CYP11A1: variants seen among roughly 807,000 people sequenced by gnomAD.
CYP11A1 encodes cytochrome P450 family 11 subfamily A member 1.
CYP11A1 carries 25 observed loss-of-function variants against 51.9 expected under a neutral mutation model. The observed-to-expected ratio is 0.48, with a 90% CI of 0.35 to 0.67. The LOEUF (loss-of-function observed/expected upper bound fraction) is 0.67. CYP11A1 is among the 30% of genes least tolerant of loss of function. The probability of loss-of-function intolerance (pLI) is 0.00; values close to 1 mark genes in which losing one functional copy is unlikely to be tolerated. For missense variants in CYP11A1, 578 were observed against 680.9 expected, an observed-to-expected ratio of 0.85 and a Z score of 1.68; for synonymous variants, 245 against 262.1, an observed-to-expected ratio of 0.93 and a Z score of 0.63.
chr15:74,348,425 C>T (rs2060641816), intron 1 of CYP11A1, among the ~76,000 whole-genome samples: 1 of 152,272 alleles, frequency 6.6e-6, no homozygotes, highest in African/African-American at 2.4e-5. Flanking sequence ...TTCCTGTGTC[C>T]ACACCTACAG....
At chr15:74,361,827 A>AT (rs2060710184) in intron 1 of CYP11A1, 1 of 1,176,190 alleles carries the variant, frequency 8.5e-7, no homozygotes, top group African/African-American at 1.5e-5. Context: ...CCTAAGGCAT[A>AT]CACGTCCTGG....
chr15:74,342,021 G>A (rs546810871), intron 5 of CYP11A1, among the ~76,000 whole-genome samples: 16 of 152,294 alleles, frequency 1.1e-4, no homozygotes, highest in African/African-American at 3.6e-4. Flanking sequence ...ATGCCATTTT[G>A]TTACAGCGGC....
chr15:74,361,825 A>T, intron 1 of CYP11A1: 2 of 1,178,110 alleles, frequency 1.7e-6, no homozygotes, highest in South Asian at 2.5e-5. Flanking sequence ...ATCCTAAGGC[A>T]TACACGTCCT....
intron 1 of CYP11A1, chr15:74,366,178 C>T (rs1172337686): frequency 7.1e-6 from 7 of 985,272 alleles, no homozygotes; most frequent in Non-Finnish European, 8.4e-6. Flanking sequence ...CGGGCGGCGG[C>T]GTGCGCTGGG....
In CYP11A1 at chr15:74,343,964, G is replaced by A. The variant is rs1289645301; in HGVS notation, c.654C>T (p.Arg218=). 2 of 1,614,010 alleles carry A rather than the reference G, an allele frequency of 1.2e-6. No individual in the cohort carries two copies. The highest frequency in any genetic ancestry group is 2.2e-5 in the South Asian group (2 of 91,072). Residue 218 remains arginine (R), a synonymous_variant, in exon 4 of 9, where the codon CGC becomes CGT. Coordinates refer to ENST00000268053, the MANE Select transcript of CYP11A1 (RefSeq NM_000781.3). The part of the protein sequence containing the change: ...ESITNVIFGE[R]QGMLEEVVNP... ...TCACTACTTCCTCCAGCATCCCCTG[G>A]CGCTCCCCAAAAATGACGTTAGTGA...
intron 1 of CYP11A1, among the ~76,000 whole-genome samples, chr15:74,349,846 G>A (rs1332995414): frequency 6.6e-6 from 1 of 152,164 alleles, no homozygotes; most frequent in Admixed American, 6.5e-5. Flanking sequence ...TTGGGAGGCT[G>A]AGGAGGGAGA....
intron 1 of CYP11A1, among the ~76,000 whole-genome samples, chr15:74,357,613 G>T (rs940805962): frequency 6.6e-6 from 1 of 152,144 alleles, no homozygotes; most frequent in Non-Finnish European, 1.5e-5. Flanking sequence ...AGCCCTAGAA[G>T]CTGCTCCCAC....
chr15:74,341,093 C>T (rs760934820), intron 5 of CYP11A1, among the ~76,000 whole-genome samples: 1 of 152,170 alleles, frequency 6.6e-6, no homozygotes, highest in African/African-American at 2.4e-5. Context: ...TGTGTGACCT[C>T]GACCAAGTTA....
In CYP11A1 at chr15:74,338,667, G is replaced by A. The variant is rs2060590839; in HGVS notation, c.1338C>T (p.Asn446=). 1.4e-5 allele frequency: 23 copies of A among 1,614,180 alleles called. No homozygotes were observed. The highest frequency in any genetic ancestry group is 1.9e-5 in the Non-Finnish European group (23 of 1,180,012). The change falls in exon 8 of 9, where the codon AAC becomes AAT. Residue 446 remains asparagine (N), a synonymous_variant. Transcript: ENST00000268053. Reference sequence around the variant, plus strand: ...AGCCCAAGTTCCGGAAGTAGGTGATGTTCTTGTCTTTGCTCAGCCATCGGG... The same window carrying A: ...AGCCCAAGTTCCGGAAGTAGGTGATATTCTTGTCTTTGCTCAGCCATCGGG... ...DPTRWLSKDK[N]ITYFRNLGFG... is the part of the protein sequence containing the mutation.
intron 3 of CYP11A1, among the ~76,000 whole-genome samples, 171 bp from the exon 4 acceptor site, chr15:74,344,163 C>A (rs1054948261): frequency 2.0e-5 from 3 of 152,158 alleles, no homozygotes; most frequent in South Asian, 4.1e-4. Flanking sequence ...GGCTAAGATG[C>A]AAGGCTGAGA....
At chr15:74,357,446 C>T (rs1366171183) in intron 1 of CYP11A1, among the ~76,000 whole-genome samples, 1 of 152,230 alleles carries the variant, frequency 6.6e-6, no homozygotes, top group Non-Finnish European at 1.5e-5. Context: ...TACAAAGCAA[C>T]AATGCCTTTC....
intron 2 of CYP11A1, among the ~76,000 whole-genome samples, chr15:74,347,049 G>A (rs2060635848): frequency 6.6e-6 from 1 of 151,994 alleles, no homozygotes; most frequent in Non-Finnish European, 1.5e-5. Context: ...CAAGCAATCT[G>A]TCCGCCTTGG....
intron 1 of CYP11A1, among the ~76,000 whole-genome samples, chr15:74,351,119 CCTGA>C (rs2060654349): frequency 6.6e-6 from 1 of 152,184 alleles, no homozygotes; most frequent in African/African-American, 2.4e-5. Flanking sequence ...GGAGAAGCAG[CCTGA>C]CTGCCACCGC....
intron 1 of CYP11A1, among the ~76,000 whole-genome samples, chr15:74,354,914 T>A (rs2060671927): frequency 6.6e-6 from 1 of 152,140 alleles, no homozygotes; most frequent in Non-Finnish European, 1.5e-5. Context: ...ACTGCGGGGA[T>A]GCCTGCTTGA....
At chr15:74,360,599 T>G (rs548970473) in intron 1 of CYP11A1, among the ~76,000 whole-genome samples, 178 of 151,038 alleles carry the variant, frequency 1.2e-3, no homozygotes, top group African/African-American at 4.2e-3. Flanking sequence ...TACCAGGTTT[T>G]ATGTTAAAAT....
At chr15:74,338,457 G>A (rs2060589755) in intron 8 of CYP11A1, 114 bp downstream of exon 8, 6 of 1,099,974 alleles carry the variant, frequency 5.5e-6, no homozygotes, top group Non-Finnish European at 8.3e-6. Context: ...GGAGGTAGAT[G>A]CGCCCCAGCA....
chr15:74,348,070 G>C lies in CYP11A1; in HGVS notation c.270-15C>G, dbSNP rs1052883915. 2.5e-6 allele frequency: 4 copies of C among 1,613,554 alleles called. No individual in the cohort carries two copies. The East Asian group carries it at 6.7e-5, about 27-fold the overall frequency. On this transcript the variant is annotated splice_polypyrimidine_tract_variant and intron_variant, in intron 1 of 8. Coordinates refer to ENST00000268053, the MANE Select transcript of CYP11A1 (RefSeq NM_000781.3). ...CGAGCTTCTCCCTGGAGGGGTGGGG[G>C]AGAGGGGCTGATGGAAGGATCCGAG...
intron 5 of CYP11A1, 75 bp from the exon 6 acceptor site, chr15:74,339,828 G>T: frequency 6.9e-7 from 1 of 1,450,544 alleles, no homozygotes; most frequent in Non-Finnish European, 9.6e-7. Context: ...TTGACCCCAT[G>T]GTAAATTTTC....
intron 2 of CYP11A1, 79 bp downstream of exon 2, chr15:74,347,821 C>T (rs1180566348): frequency 2.0e-6 from 3 of 1,514,178 alleles, no homozygotes; most frequent in Non-Finnish European, 1.8e-6. Flanking sequence ...CTGGCCTCAG[C>T]CCCTCACCCC....
Sources: gnomAD v4.1 joint callset for allele counts (sites outside exome capture counted in the v4.1 genomes callset) on GRCh38, gnomAD v4.1.1 for gene constraint, MANE v1.5 for transcripts, NCBI Gene and HGNC (gene_info 2026-07-23, HGNC 2026-07-21) for gene names.